RAB27A: variants seen among roughly 807,000 people sequenced by gnomAD.
RAB27A encodes RAB27A, member RAS oncogene family, also known as ras-related protein Rab-27A.
Under a neutral mutation model 20.8 loss-of-function variants are expected in RAB27A, and 17 were observed. The ratio of observed to expected loss-of-function variants is 0.82; its 90% CI spans 0.56 to 1.23. The LOEUF is 1.23. Ranked by LOEUF, RAB27A falls within the 50% of genes most tolerant of loss-of-function variation. The pLI is 0.00. For synonymous variants in RAB27A, 85 were observed against 92.8 expected, an observed-to-expected ratio of 0.92 and a Z score of 0.48; for missense variants, 277 against 266.7, an observed-to-expected ratio of 1.04 and a Z score of -0.27.
intron 1 of RAB27A, among the ~76,000 whole-genome samples, chr15:55,285,547 T>A (rs909932547): frequency 3.9e-5 from 6 of 152,332 alleles, no homozygotes; most frequent in South Asian, 2.1e-4. Context: ...TCAGGGCTCA[T>A]GTCTGCACCT....
chr15:55,242,279 C>T (rs1045662047), intron 2 of RAB27A, among the ~76,000 whole-genome samples: 1 of 152,158 alleles, frequency 6.6e-6, no homozygotes, highest in African/African-American at 2.4e-5. Flanking sequence ...TTAAAAAGAA[C>T]TTCATGTCTG....
chr15:55,210,546 C>T (rs528710734), intron 6 of RAB27A, among the ~76,000 whole-genome samples: 6 of 151,680 alleles, frequency 4.0e-5, no homozygotes, highest in African/African-American at 1.5e-4. Flanking sequence ...TTTTTTCATA[C>T]ACCTGTTTGC....
At chr15:55,223,498 G>C (rs1895669708) in intron 6 of RAB27A, among the ~76,000 whole-genome samples, 1 of 146,440 alleles carries the variant, frequency 6.8e-6, no homozygotes, top group Non-Finnish European at 1.5e-5. Flanking sequence ...GACAGTGTGA[G>C]ACTCTGTCTC....
chr15:55,265,381 CAG>C (rs1449520652), intron 2 of RAB27A, among the ~76,000 whole-genome samples: 3 of 152,046 alleles, frequency 2.0e-5, no homozygotes, highest in Non-Finnish European at 4.4e-5. Context: ...AAACTTCACA[CAG>C]GGGCATCTGA....
At chr15:55,211,114 C>T (rs28784096) in intron 6 of RAB27A, among the ~76,000 whole-genome samples, 40,665 of 151,888 alleles carry the variant, frequency 0.27, 7,059 homozygotes, top group African/African-American at 0.49. Flanking sequence ...GTTCCATTGG[C>T]CTATGTGTCT....
chr15:55,238,881 T>A (rs1381597503), intron 2 of RAB27A, among the ~76,000 whole-genome samples: 2 of 152,158 alleles, frequency 1.3e-5, no homozygotes, highest in Non-Finnish European at 2.9e-5. Flanking sequence ...AAATACACCA[T>A]CCATTTTAGC....
At chr15:55,213,149 AG>A (rs1418763616) in intron 6 of RAB27A, among the ~76,000 whole-genome samples, 1 of 152,214 alleles carries the variant, frequency 6.6e-6, no homozygotes, top group African/African-American at 2.4e-5. Context: ...AAAACAACAA[AG>A]CAAAGTTATT....
intron 1 of RAB27A, among the ~76,000 whole-genome samples, chr15:55,281,281 C>G (rs1186577068): frequency 1.3e-5 from 2 of 152,182 alleles, no homozygotes; most frequent in African/African-American, 2.4e-5. Context: ...GTATAAGTAG[C>G]CTTCTCCTTT....
chr15:55,273,364 G>C (rs572280091), intron 1 of RAB27A, among the ~76,000 whole-genome samples: 7 of 150,108 alleles, frequency 4.7e-5, no homozygotes, highest in African/African-American at 1.7e-4. Flanking sequence ...AGCCAAGATC[G>C]CGCCACTGCA....
chr15:55,247,814 A>C (rs1386654507), intron 2 of RAB27A, among the ~76,000 whole-genome samples: 2 of 152,166 alleles, frequency 1.3e-5, no homozygotes, highest in African/African-American at 4.8e-5. Flanking sequence ...ACTTTGTACA[A>C]AATGAGAATA....
At chr15:55,290,948 G>A (rs1250378436), upstream of RAB27A, among the ~76,000 whole-genome samples, 2 of 152,176 alleles carry the variant, frequency 1.3e-5, no homozygotes, top group East Asian at 3.8e-4. Context: ...AGGCCCACCC[G>A]GTCAACTCCA....
intron 1 of RAB27A, among the ~76,000 whole-genome samples, chr15:55,285,216 A>G (rs1334209649): frequency 6.6e-6 from 1 of 151,988 alleles, no homozygotes; most frequent in East Asian, 1.9e-4. Flanking sequence ...ATTAGAATCA[A>G]AACTCTCACT....
intron 2 of RAB27A, among the ~76,000 whole-genome samples, chr15:55,243,684 C>CCT (rs1896580624): frequency 6.6e-6 from 1 of 151,630 alleles, no homozygotes; most frequent in Non-Finnish European, 1.5e-5. Flanking sequence ...CACTTCTGGC[C>CCT]CTCTCTCTTT....
Position 55,209,871 on chromosome 15 carries a change from CAT to C in RAB27A, c.468-4168_468-4167del, listed in dbSNP as rs1424628253. 2.5e-3 allele frequency among the ~76,000 whole-genome samples: 33 copies of C among 13,450 alleles called. 7 individuals carry two copies. Among genetic ancestry groups the C allele is most frequent in the East Asian group, 7.5e-3 (1 of 134 alleles). The allele number at this position is 13,450 out of a possible 152,430, so 8.8% of individuals were successfully genotyped here. On this transcript the variant is annotated intron_variant, in intron 6 of 6. Transcript: ENST00000336787. Reference sequence around the variant, plus strand: ...ATATATGTGTGTATATACATATATACATATATGTGTGTGTATACATATATACA... The same window carrying C: ...ATATATGTGTGTATATACATATATACATATGTGTGTGTATACATATATACA...
At chr15:55,222,647 C>A (rs1236688864) in intron 6 of RAB27A, among the ~76,000 whole-genome samples, 1 of 152,142 alleles carries the variant, frequency 6.6e-6, no homozygotes, top group Non-Finnish European at 1.5e-5. Context: ...TAAACCCTAC[C>A]AGCTTTCTGA....
chr15:55,294,565 G>A (rs2054939159), upstream of RAB27A, among the ~76,000 whole-genome samples: 1 of 121,108 alleles, frequency 8.3e-6, no homozygotes, highest in East Asian at 2.9e-4. Context: ...ACCAGCCTGG[G>A]CAACAGAACA....
At chr15:55,258,724 T>A (rs1897171377) in intron 2 of RAB27A, among the ~76,000 whole-genome samples, 1 of 152,230 alleles carries the variant, frequency 6.6e-6, no homozygotes, top group Non-Finnish European at 1.5e-5. Context: ...TAAATTCACA[T>A]TTCTCTGAGT....
At chr15:55,229,672 A>C (rs961005519) in intron 4 of RAB27A, among the ~76,000 whole-genome samples, 9 of 152,184 alleles carry the variant, frequency 5.9e-5, no homozygotes, top group Non-Finnish European at 1.3e-4. Flanking sequence ...CCCAAAAAAA[A>C]AACAAAAAAG....
intron 2 of RAB27A, among the ~76,000 whole-genome samples, chr15:55,242,007 T>TAC (rs911914411): frequency 6.6e-6 from 1 of 152,000 alleles, no homozygotes; most frequent in Non-Finnish European, 1.5e-5. Flanking sequence ...CTCTCTCTGC[T>TAC]ACACACACAC....
Sources: gnomAD v4.1 joint callset for allele counts (sites outside exome capture counted in the v4.1 genomes callset) on GRCh38, gnomAD v4.1.1 for gene constraint, MANE v1.5 for transcripts, NCBI Gene and HGNC (gene_info 2026-07-23, HGNC 2026-07-21) for gene names.